Variants in DIS3 observed in about 807,000 individuals in gnomAD.
DIS3 encodes the protein DIS3 exosome endoribonuclease and 3'-5' exoribonuclease.
In DIS3, 103 loss-of-function variants were observed where a neutral mutation model predicts 113.0. That is an observed-to-expected ratio of 0.91 (90% confidence interval 0.78 to 1.07). The LOEUF (loss-of-function observed/expected upper bound fraction) is 1.07, where lower values mean the gene tolerates loss of function less well. Among genes scored for constraint, DIS3 ranks in the 50% least tolerant of loss-of-function variants. The pLI, the probability that DIS3 is intolerant of heterozygous loss-of-function variation, is 0.00. For missense variants in DIS3, 1,121 were observed against 1,167.1 expected, an observed-to-expected ratio of 0.96 and a Z score of 0.58; for synonymous variants, 402 against 394.3, an observed-to-expected ratio of 1.02 and a Z score of -0.23.
chr13:72,763,673 T>G, intron 15 of DIS3, 66 bp from the exon 16 acceptor site: 3 of 1,468,468 alleles, frequency 2.0e-6, no homozygotes, highest in Non-Finnish European at 2.7e-6. Context: ...ATCATATTTT[T>G]TCACAGGTTA....
chr13:72,753,404 T>C lies in DIS3; in HGVS notation c.*6391A>G, dbSNP rs1450842722. On this transcript the variant is annotated 3_prime_UTR_variant, in exon 21 of 21. Coordinates refer to ENST00000377767, the MANE Select transcript of DIS3 (RefSeq NM_014953.5). ...ACTCATTTTTGTCTACTAGGTACGA[T>C]CACAAAATAACAGGAAAGCATTGTG... The C allele has an allele frequency of 4.2e-6, 1 of 237,310 alleles. No individual in the cohort carries two copies. The highest frequency in any genetic ancestry group is 2.3e-5 in the African/African-American group (1 of 44,112). 14.7% of individuals were successfully genotyped at this position (237,310 alleles called of 1,614,324 possible). A position where few individuals can be genotyped will look rare whatever the true frequency, so the allele number is the denominator to read the frequency against.
At chr13:72,770,710 C>A (rs8002545) in intron 13 of DIS3, among the ~76,000 whole-genome samples, 194 bp downstream of exon 13, 3 of 151,948 alleles carry the variant, frequency 2.0e-5, no homozygotes, top group African/African-American at 4.8e-5. Flanking sequence ...CAGGTACTTA[C>A]ATGTATATGT....
At chr13:72,765,502 A>C (rs2033723019) in intron 15 of DIS3, among the ~76,000 whole-genome samples, 3 of 152,142 alleles carry the variant, frequency 2.0e-5, no homozygotes, top group Middle Eastern at 3.2e-3. Context: ...GCATTAGATT[A>C]TCATAAGAAG....
At chr13:72,772,329 CAT>C in intron 9 of DIS3, 54 bp from the exon 10 acceptor site, 1 of 1,304,040 alleles carries the variant, frequency 7.7e-7, no homozygotes, top group Non-Finnish European at 1.1e-6. Flanking sequence ...ACAACTACAA[CAT>C]ATTAATAGCT....
chr13:72,768,533 C>T (rs996858453), intron 14 of DIS3, among the ~76,000 whole-genome samples: 1 of 152,084 alleles, frequency 6.6e-6, no homozygotes, highest in African/African-American at 2.4e-5. Flanking sequence ...ACCTGTAATC[C>T]CAGCTACTTG....
chr13:72,768,363 C>T (rs2033802420), intron 14 of DIS3, among the ~76,000 whole-genome samples: 1 of 152,078 alleles, frequency 6.6e-6, no homozygotes, highest in African/African-American at 2.4e-5. Flanking sequence ...TAAAAGGAAG[C>T]TAGAGGCTGG....
At chr13:72,763,040 C>G (rs546753773) in intron 16 of DIS3, among the ~76,000 whole-genome samples, 1 of 152,172 alleles carries the variant, frequency 6.6e-6, no homozygotes, top group South Asian at 2.1e-4. Context: ...CACCTGTAAT[C>G]CCAGCACAGC....
In DIS3 at chr13:72,755,894, T is replaced by C. The variant is rs1052483035; in HGVS notation, c.*3901A>G. ...AATAAAATATACCTCATGCCTAGGG[T>C]AGGGACATCCTTTCCAGCTCAAACG... is the stretch of plus-strand genomic sequence containing the variant. On this transcript the variant is annotated 3_prime_UTR_variant, in exon 21 of 21. Coordinates refer to ENST00000377767, the MANE Select transcript of DIS3 (RefSeq NM_014953.5). 9 of 398,458 alleles carry C rather than the reference T, an allele frequency of 2.3e-5. No individual in the cohort carries two copies. Among genetic ancestry groups the C allele is most frequent in the African/African-American group, 1.4e-4 (7 of 48,694 alleles). The allele number at this position is 398,458 out of a possible 1,614,324, so 24.7% of individuals were successfully genotyped here.
chr13:72,775,983 C>G lies in DIS3; in HGVS notation c.764G>C (p.Arg255Thr), dbSNP rs914767200. ...TACTGTAGCTTCCAAGTAATTTTCC[C>G]TGCTAGCTCTAAATGTTCCTTGAAG... ...TYLQGTFRAS[R>T]ENYLEATVWI... Residue 255 changes from arginine (R) to threonine (T), a missense_variant, in exon 5 of 21, where the codon AGG (arginine) becomes ACG (threonine). Arg to Thr is a moderately conservative substitution (Grantham distance 71). Coordinates refer to ENST00000377767, the MANE Select transcript of DIS3 (RefSeq NM_014953.5). 3 of 1,611,168 alleles carry G rather than the reference C, an allele frequency of 1.9e-6. No individual in the cohort carries two copies. The highest frequency in any genetic ancestry group is 2.5e-6 in the Non-Finnish European group (3 of 1,179,144).
In DIS3 at chr13:72,769,799, C is replaced by A. The variant is rs181011041; in HGVS notation, c.1756-887G>T. 6.3e-3 allele frequency among the ~76,000 whole-genome samples: 954 copies of A among 152,252 alleles called. 5 individuals carry two copies. The highest frequency in any genetic ancestry group is 0.011 in the Non-Finnish European group (729 of 68,024). On this transcript the variant is annotated intron_variant, in intron 13 of 20. Coordinates refer to ENST00000377767, the MANE Select transcript of DIS3 (RefSeq NM_014953.5). Reference sequence around the variant, plus strand: ...TACCAGTCTAACACTGTTTTCTTTGCAACCACTGGTTAGCAGAACAGCAAG... The same window carrying A: ...TACCAGTCTAACACTGTTTTCTTTGAAACCACTGGTTAGCAGAACAGCAAG...
At chr13:72,764,047 G>A (rs182542902) in intron 15 of DIS3, among the ~76,000 whole-genome samples, 10 of 152,198 alleles carry the variant, frequency 6.6e-5, no homozygotes, top group African/African-American at 2.4e-4. Flanking sequence ...GGCTACTTGA[G>A]AGGCTGAGGC....
At chr13:72,762,496 A>T (rs1052861314) in intron 16 of DIS3, among the ~76,000 whole-genome samples, 1 of 152,214 alleles carries the variant, frequency 6.6e-6, no homozygotes, top group African/African-American at 2.4e-5. Flanking sequence ...GAATCTGGAG[A>T]AGCTGGGCAT....
At chr13:72,760,080 T>G (rs1362826171) in intron 20 of DIS3, among the ~76,000 whole-genome samples, 2 of 152,160 alleles carry the variant, frequency 1.3e-5, no homozygotes, top group Non-Finnish European at 2.9e-5. Context: ...CTAGACATGG[T>G]CTCAACAGGT....
intron 15 of DIS3, among the ~76,000 whole-genome samples, chr13:72,764,053 G>C (rs1164318540): frequency 6.6e-6 from 1 of 152,074 alleles, no homozygotes; most frequent in East Asian, 1.9e-4. Context: ...TTGAGAGGCT[G>C]AGGCATGAGA....
chr13:72,762,864 G>A (rs2033659061), intron 16 of DIS3, among the ~76,000 whole-genome samples: 1 of 152,016 alleles, frequency 6.6e-6, no homozygotes, highest in African/African-American at 2.4e-5. Context: ...GTAAAGTCAG[G>A]CAGTTGACAG....
chr13:72,752,893 C>T lies in DIS3; in HGVS notation c.*6902G>A, dbSNP rs2033315955. 6.6e-6 allele frequency: 1 copy of T among 152,102 alleles called. No individual in the cohort carries two copies. Among genetic ancestry groups the T allele is most frequent in the African/African-American group, 2.4e-5 (1 of 41,422 alleles). 9.4% of individuals were successfully genotyped at this position (152,102 alleles called of 1,614,324 possible). A position where few individuals can be genotyped will look rare whatever the true frequency, so the allele number is the denominator to read the frequency against. ...GGAGGGCTTAAATGCAAAATGATTC[C>T]CTTGTGGATTGCTTTCTTTGGTGCT... is the stretch of plus-strand genomic sequence containing the variant. On this transcript the variant is annotated 3_prime_UTR_variant, in exon 21 of 21. Coordinates refer to ENST00000377767, the MANE Select transcript of DIS3 (RefSeq NM_014953.5).
rs775551062 is a variant in DIS3, at chr13:72,756,013, G to T, written c.*3782C>A. 1.1e-4 allele frequency: 45 copies of T among 398,364 alleles called. No individual in the cohort carries two copies. Among genetic ancestry groups the T allele is most frequent in the Non-Finnish European group, 1.8e-4 (40 of 225,984 alleles). The allele number at this position is 398,364 out of a possible 1,614,324, so 24.7% of individuals were successfully genotyped here. On this transcript the variant is annotated 3_prime_UTR_variant, in exon 21 of 21. Transcript: ENST00000377767. ...TTCCCGTAGGGCATAGGCCTGTGAA[G>T]TAACACTGGGGCAGATATGTATGTT...
chr13:72,759,603 T>G lies in DIS3; in HGVS notation c.*192A>C. 1 of 518,616 alleles carries G rather than the reference T, an allele frequency of 1.9e-6. No homozygotes were observed. Among genetic ancestry groups the G allele is most frequent in the Non-Finnish European group, 3.4e-6 (1 of 291,436 alleles). 32.1% of individuals were successfully genotyped at this position (518,616 alleles called of 1,614,324 possible). A position where few individuals can be genotyped will look rare whatever the true frequency, so the allele number is the denominator to read the frequency against. The stretch of plus-strand genomic sequence containing the variant: ...TTGAATTATTCTGCATAAATAATTC[T>G]GTTCAACCCAGAAGTATAGTAGTAT... On this transcript the variant is annotated 3_prime_UTR_variant, in exon 21 of 21. Coordinates refer to ENST00000377767, the MANE Select transcript of DIS3 (RefSeq NM_014953.5).
chr13:72,773,680 T>C lies in DIS3; in HGVS notation c.1239+4A>G, dbSNP rs1315553628. On this transcript the variant is annotated splice_donor_region_variant and intron_variant, in intron 8 of 20. Transcript: ENST00000377767. ...CCCACATAAAATTAATACTTTAAGC[T>C]TACATTTGGATATCTGGAATTTCTG... The C allele has an allele frequency of 6.2e-7, 1 of 1,605,778 alleles. No individual in the cohort carries two copies. Among genetic ancestry groups the C allele is most frequent in the South Asian group, 1.1e-5 (1 of 88,328 alleles).
Sources: gnomAD v4.1 joint callset for allele counts (sites outside exome capture counted in the v4.1 genomes callset) on GRCh38, gnomAD v4.1.1 for gene constraint, MANE v1.5 for transcripts, NCBI Gene and HGNC (gene_info 2026-07-23, HGNC 2026-07-21) for gene names.